Variants in SLIT3 observed in about 807,000 individuals in gnomAD.
The protein encoded by SLIT3 is slit guidance ligand 3.
In SLIT3, 68 loss-of-function variants were observed where a neutral mutation model predicts 184.0. The observed-to-expected ratio is 0.37, with a 90% CI of 0.30 to 0.45. The LOEUF is 0.45. Among genes scored for constraint, SLIT3 ranks in the 20% least tolerant of loss-of-function variants. The probability of loss-of-function intolerance (pLI) is 1.00; values close to 1 mark genes in which losing one functional copy is unlikely to be tolerated. For missense variants in SLIT3, 1,707 were observed against 2,026.0 expected (o/e 0.84, Z 3.02); for synonymous variants, 831 against 828.6 (o/e 1.00, Z -0.05).
intron 4 of SLIT3, among the ~76,000 whole-genome samples, chr5:169,148,888 A>T (rs1288451986): frequency 6.6e-6 from 1 of 152,210 alleles, no homozygotes; most frequent in Non-Finnish European, 1.5e-5. Flanking sequence ...TACTTAAAAA[A>T]AAAAAAATCA....
At chr5:168,921,682 T>C (rs1050451222) in intron 4 of SLIT3, among the ~76,000 whole-genome samples, 2 of 152,204 alleles carry the variant, frequency 1.3e-5, no homozygotes, top group African/African-American at 4.8e-5. Context: ...GCATCTCCTG[T>C]CCCGGCTCCA....
chr5:169,237,320 C>G (rs11747942), intron 3 of SLIT3, among the ~76,000 whole-genome samples: 12,595 of 152,214 alleles, frequency 0.083, 657 homozygotes, highest in African/African-American at 0.15. Context: ...CATAGTGTCA[C>G]GTATCCACCA....
rs376876343 is a variant in SLIT3, at chr5:168,754,069, G to T, written c.1686-62C>A. 42 of 1,499,198 alleles carry T rather than the reference G, an allele frequency of 2.8e-5. 1 individual carries two copies. The East Asian group carries it at 4.2e-4, about 15-fold the overall frequency. The allele number at this position is 1,499,198 out of a possible 1,614,324, so 92.9% of individuals were successfully genotyped here. On this transcript the variant is annotated intron_variant, in intron 16 of 35. Coordinates refer to ENST00000519560, the MANE Select transcript of SLIT3 (RefSeq NM_003062.4). ...GAGCAGATGGTCTTGATGCCGGGAG[G>T]GGATGACTTGCCCTGCAGCTGCTGG...
At chr5:168,920,665 G>T (rs1581212197) in intron 4 of SLIT3, among the ~76,000 whole-genome samples, 1 of 152,170 alleles carries the variant, frequency 6.6e-6, no homozygotes. Flanking sequence ...GCTTCTCTCT[G>T]CTTCTGGTTC....
At chr5:168,910,685 G>A (rs532970892) in intron 4 of SLIT3, among the ~76,000 whole-genome samples, 20 of 151,342 alleles carry the variant, frequency 1.3e-4, no homozygotes, top group Admixed American at 3.3e-4. Flanking sequence ...GGCGGAGCTT[G>A]CAGTGAGCCG....
At chr5:169,086,458 G>A (rs1023453519) in intron 4 of SLIT3, among the ~76,000 whole-genome samples, 3 of 152,184 alleles carry the variant, frequency 2.0e-5, no homozygotes, top group Non-Finnish European at 2.9e-5. Flanking sequence ...TCTAATTGGT[G>A]GTTGAACAGT....
chr5:168,694,767 C>T (rs932349239), intron 28 of SLIT3, among the ~76,000 whole-genome samples: 4 of 152,140 alleles, frequency 2.6e-5, no homozygotes, highest in African/African-American at 7.2e-5. Flanking sequence ...TACAGGTGCC[C>T]ACCACCATGC....
chr5:168,705,760 A>G (rs1210121360), intron 26 of SLIT3, among the ~76,000 whole-genome samples: 3 of 152,214 alleles, frequency 2.0e-5, no homozygotes, highest in Admixed American at 6.5e-5. Flanking sequence ...GTCATGCTTC[A>G]TAGTACAGTC....
chr5:168,801,929 A>T (rs1371035674), intron 9 of SLIT3, among the ~76,000 whole-genome samples: 4 of 151,892 alleles, frequency 2.6e-5, no homozygotes, highest in African/African-American at 9.7e-5. Flanking sequence ...AGTCTGCGAG[A>T]CTGTTTTGCA....
At chr5:168,816,574 A>C (rs1757340356) in intron 8 of SLIT3, among the ~76,000 whole-genome samples, 1 of 152,162 alleles carries the variant, frequency 6.6e-6, no homozygotes, top group Non-Finnish European at 1.5e-5. Flanking sequence ...AGCTGCCTTC[A>C]GTTATGTGTC....
intron 4 of SLIT3, among the ~76,000 whole-genome samples, chr5:169,002,079 CG>C (rs1755722337): frequency 6.6e-6 from 1 of 151,592 alleles, no homozygotes; most frequent in African/African-American, 2.4e-5. Context: ...TTTGAGAGGC[CG>C]AGGCAGGCAG....
intron 27 of SLIT3, among the ~76,000 whole-genome samples, 180 bp downstream of exon 27, chr5:168,700,402 G>A (rs1289361903): frequency 6.6e-6 from 1 of 152,174 alleles, no homozygotes; most frequent in South Asian, 2.1e-4. Context: ...TTTGCCTCCC[G>A]CCATTTAAGA....
At chr5:168,677,788 C>T (rs1761459120) in intron 32 of SLIT3, among the ~76,000 whole-genome samples, 1 of 152,188 alleles carries the variant, frequency 6.6e-6, no homozygotes, top group Non-Finnish European at 1.5e-5. Flanking sequence ...CCTGTGACAC[C>T]TAGCAAGTGC....
At chr5:168,748,524 A>G in intron 19 of SLIT3, 90 bp from the exon 20 acceptor site, 1 of 1,301,048 alleles carries the variant, frequency 7.7e-7, no homozygotes, top group Non-Finnish European at 1.0e-6. Flanking sequence ...CTCCACAAAG[A>G]CAAGTTGTCC....
chr5:168,779,093 G>A (rs952459369), intron 12 of SLIT3, among the ~76,000 whole-genome samples: 2 of 152,250 alleles, frequency 1.3e-5, no homozygotes, highest in Non-Finnish European at 2.9e-5. Context: ...CACTTCACAA[G>A]GCCAGGTACT....
At chr5:169,287,548 A>T (rs1447112095) in intron 1 of SLIT3, among the ~76,000 whole-genome samples, 1 of 152,136 alleles carries the variant, frequency 6.6e-6, no homozygotes, top group Admixed American at 6.5e-5. Context: ...TGACCTTTCT[A>T]ATGCATTTCC....
At chr5:169,207,605 T>C (rs917814302) in intron 3 of SLIT3, among the ~76,000 whole-genome samples, 2 of 152,218 alleles carry the variant, frequency 1.3e-5, no homozygotes, top group African/African-American at 4.8e-5. Context: ...AAACTCAGCT[T>C]AGGCTTAAAA....
chr5:169,216,809 G>A (rs1219181147), intron 3 of SLIT3, among the ~76,000 whole-genome samples: 1 of 152,142 alleles, frequency 6.6e-6, no homozygotes, highest in Non-Finnish European at 1.5e-5. Context: ...GTCTTTATAT[G>A]TCTGTCATCC....
At chr5:168,687,650 T>C (rs1761786858) in intron 29 of SLIT3, among the ~76,000 whole-genome samples, 2 of 152,218 alleles carry the variant, frequency 1.3e-5, no homozygotes, top group Non-Finnish European at 2.9e-5. Context: ...CTCTCTGTGT[T>C]TCAGTTTCTT....
Sources: allele counts gnomAD v4.1 joint callset (sites outside exome capture counted in the v4.1 genomes callset), GRCh38; gene constraint gnomAD v4.1.1; transcripts MANE v1.5; gene names NCBI Gene and HGNC (gene_info 2026-07-23, HGNC 2026-07-21).